Variants in CAMTA1 observed in about 807,000 individuals in gnomAD.
CAMTA1 encodes calmodulin binding transcription activator 1.
A neutral mutation model predicts 170.9 loss-of-function variants in CAMTA1; 27 were observed. The observed-to-expected ratio is 0.16, with a 90% CI of 0.12 to 0.22. CAMTA1 has a LOEUF of 0.22. Among genes scored for constraint, CAMTA1 ranks in the 10% least tolerant of loss-of-function variants. CAMTA1 has a pLI of 1.00. For synonymous variants in CAMTA1, 833 were observed against 891.5 expected, an observed-to-expected ratio of 0.93 and a Z score of 1.17; for missense variants, 1,619 against 2,217.2, an observed-to-expected ratio of 0.73 and a Z score of 5.42.
chr1:7,659,955 C>G (rs1418579071), intron 7 of CAMTA1, among the ~76,000 whole-genome samples: 2 of 152,194 alleles, frequency 1.3e-5, no homozygotes, highest in Non-Finnish European at 2.9e-5. Flanking sequence ...CAAATCCACA[C>G]AGCAAGATCA....
intron 3 of CAMTA1, among the ~76,000 whole-genome samples, chr1:6,957,249 G>T (rs1689615760): frequency 6.6e-6 from 1 of 152,156 alleles, no homozygotes; most frequent in South Asian, 2.1e-4. Context: ...ACTGGGACTG[G>T]TGATGCTGAC....
At chr1:7,091,624 G>T (rs1641478043) in intron 4 of CAMTA1, among the ~76,000 whole-genome samples, 1 of 152,172 alleles carries the variant, frequency 6.6e-6, no homozygotes, top group Admixed American at 6.5e-5. Context: ...CCTTCAGCCG[G>T]GTGCTTGGAA....
In CAMTA1 at chr1:7,017,936, C is replaced by T. The variant is rs750066461; in HGVS notation, c.235-73368C>T. ...CTGTGAGTGTTGAGGGCCTGCTCCT[C>T]CAGGCCATGGGCCATGCCTTCCAAG... On this transcript the variant is annotated intron_variant, in intron 3 of 22. Transcript: ENST00000303635. Among the ~76,000 whole-genome samples the T allele has an allele frequency of 1.2e-3, 186 of 151,198 alleles. 1 individual carries two copies. The highest frequency in any genetic ancestry group is 1.7e-3 in the Non-Finnish European group (118 of 67,874).
chr1:7,167,008 A>G (rs1223731464), intron 4 of CAMTA1, among the ~76,000 whole-genome samples: 1 of 151,718 alleles, frequency 6.6e-6, no homozygotes, highest in Non-Finnish European at 1.5e-5. Context: ...ATGGGGTTTC[A>G]CCATGTTGGC....
rs1203427301 is a variant in CAMTA1, at chr1:7,392,250, AC to A, written c.439-75575del. 2.5e-4 allele frequency among the ~76,000 whole-genome samples: 28 copies of A among 110,386 alleles called. No homozygotes were observed. The South Asian group carries it at 9.1e-3, about 36-fold the overall frequency. 72.4% of individuals were successfully genotyped at this position (110,386 alleles called of 152,430 possible). A position where few individuals can be genotyped will look rare whatever the true frequency, so the allele number is the denominator to read the frequency against. ...ACCCTCCAAACCTCAACATGGTGAG[AC>A]CCCCATCTTTTTTTTTTTTTTTTGA... On this transcript the variant is annotated intron_variant, in intron 5 of 22. Coordinates refer to ENST00000303635, the MANE Select transcript of CAMTA1 (RefSeq NM_015215.4).
At chr1:7,227,115 G>A (rs1416418698) in intron 4 of CAMTA1, among the ~76,000 whole-genome samples, 3 of 152,040 alleles carry the variant, frequency 2.0e-5, no homozygotes, top group African/African-American at 7.2e-5. Flanking sequence ...TTACAGGCGT[G>A]AGCCACCACG....
At chr1:6,794,035 TTAAAAA>T (rs1024802191) in intron 1 of CAMTA1, among the ~76,000 whole-genome samples, 1 of 152,152 alleles carries the variant, frequency 6.6e-6, no homozygotes, top group Admixed American at 6.5e-5. Flanking sequence ...TCATTTATGA[TTAAAAA>T]TAATCTCAAA....
intron 11 of CAMTA1, among the ~76,000 whole-genome samples, chr1:7,706,457 G>A (rs546829747): frequency 2.8e-4 from 42 of 152,282 alleles, no homozygotes; most frequent in Non-Finnish European, 5.0e-4. Flanking sequence ...TGCAGAATCT[G>A]TGTCTTATCG....
intron 3 of CAMTA1, among the ~76,000 whole-genome samples, chr1:6,860,911 C>CA (rs905167952): frequency 1.9e-4 from 27 of 142,812 alleles, no homozygotes; most frequent in African/African-American, 6.5e-4. Flanking sequence ...GACTCCATCT[C>CA]AAAAAAACAA....
rs555935437 is a variant in CAMTA1, at chr1:7,178,078, C to T, written c.303-71413C>T. 3.3e-5 allele frequency among the ~76,000 whole-genome samples: 5 copies of T among 152,354 alleles called. No homozygotes were observed. In the East Asian group the frequency reaches 9.6e-4, roughly 29 times the overall value. ...CGCTCACATGCCAAAGCCCCTCCCA[C>T]ACATTGACCTGCCTCTCTTCCTGAG... On this transcript the variant is annotated intron_variant, in intron 4 of 22. Transcript: ENST00000303635.
At chr1:7,085,024 T>G (rs972369826) in intron 3 of CAMTA1, among the ~76,000 whole-genome samples, 4 of 152,266 alleles carry the variant, frequency 2.6e-5, no homozygotes, top group Admixed American at 2.6e-4. Context: ...GAGATCCATG[T>G]GCAGAACGTG....
At chr1:7,555,364 A>G (rs1178103432) in intron 6 of CAMTA1, among the ~76,000 whole-genome samples, 3 of 152,030 alleles carry the variant, frequency 2.0e-5, no homozygotes, top group African/African-American at 7.2e-5. Context: ...CTCAGAGCCA[A>G]AGCAAGCAGC....
At chr1:7,564,362 G>A (rs558484767) in intron 6 of CAMTA1, among the ~76,000 whole-genome samples, 72 of 152,350 alleles carry the variant, frequency 4.7e-4, no homozygotes, top group Non-Finnish European at 7.9e-4. Flanking sequence ...TGTAAGGGCC[G>A]TGGGAGGGAC....
intron 3 of CAMTA1, chr1:6,886,436 A>G: frequency 2.7e-6 from 1 of 375,628 alleles, no homozygotes; most frequent in Non-Finnish European, 5.2e-6. Flanking sequence ...TACTAGGGAA[A>G]TAGGCCATAA....
At chr1:7,730,790 T>G (rs1241492182) in intron 11 of CAMTA1, among the ~76,000 whole-genome samples, 1 of 152,002 alleles carries the variant, frequency 6.6e-6, no homozygotes, top group African/African-American at 2.4e-5. Flanking sequence ...TCCCAGCTAC[T>G]TGGGTGGCTG....
At chr1:7,009,856 A>G (rs1699537925) in intron 3 of CAMTA1, among the ~76,000 whole-genome samples, 1 of 152,220 alleles carries the variant, frequency 6.6e-6, no homozygotes, top group Non-Finnish European at 1.5e-5. Flanking sequence ...CTGTCACTGC[A>G]GCATGGGGCT....
At chr1:7,309,255 A>G (rs2149597406) in intron 5 of CAMTA1, among the ~76,000 whole-genome samples, 1 of 148,828 alleles carries the variant, frequency 6.7e-6, no homozygotes, top group South Asian at 2.1e-4. Flanking sequence ...TCATTCTGAC[A>G]ATCTCTGTCT....
At chr1:6,829,823 A>G (rs1649005780) in intron 3 of CAMTA1, among the ~76,000 whole-genome samples, 1 of 152,132 alleles carries the variant, frequency 6.6e-6, no homozygotes, top group South Asian at 2.1e-4. Flanking sequence ...AAGATCTTGT[A>G]GCTATTTAGT....
Position 7,022,688 on chromosome 1 carries a change from C to T in CAMTA1, c.235-68616C>T, listed in dbSNP as rs549535180. 2.6e-5 allele frequency among the ~76,000 whole-genome samples: 4 copies of T among 152,154 alleles called. No homozygotes were observed. In the South Asian group the frequency reaches 8.3e-4, roughly 32 times the overall value. On this transcript the variant is annotated intron_variant, in intron 3 of 22. Coordinates refer to ENST00000303635, the MANE Select transcript of CAMTA1 (RefSeq NM_015215.4). ...CTTCAGGGATTTGAAGGAGGGTTAC[C>T]TATGTCTAGGGCTTAACGTGTTCTT...
Sources: allele counts gnomAD v4.1 joint callset (sites outside exome capture counted in the v4.1 genomes callset), GRCh38; gene constraint gnomAD v4.1.1; transcripts MANE v1.5; gene names NCBI Gene and HGNC (gene_info 2026-07-23, HGNC 2026-07-21).